The following HIKESHI variants were observed in gnomAD, a reference collection of about 807,000 sequenced individuals.
The protein encoded by HIKESHI is protein Hikeshi.
HIKESHI carries 13 observed loss-of-function variants against 25.7 expected under a neutral mutation model. The ratio of observed to expected loss-of-function variants is 0.51; its 90% confidence interval spans 0.33 to 0.80. HIKESHI has a LOEUF of 0.80. HIKESHI is among the 30% of genes least tolerant of loss of function. The pLI, the probability that HIKESHI is intolerant of heterozygous loss-of-function variation, is 0.02. For synonymous variants in HIKESHI, 76 were observed against 78.7 expected (o/e 0.97, Z 0.18); for missense variants, 174 against 229.5 (o/e 0.76, Z 1.56).
chr11:86,312,733 G>A (rs1047030951), intron 2 of HIKESHI, among the ~76,000 whole-genome samples: 1 of 152,172 alleles, frequency 6.6e-6, no homozygotes, highest in African/African-American at 2.4e-5. Flanking sequence ...TCCTTCAGGA[G>A]CTCTTATAAG....
rs143533213 is a variant in HIKESHI at position 86,314,166 on chromosome 11, C to G, written c.268+7684C>G. Among the ~76,000 whole-genome samples the G allele has an allele frequency of 2.3e-3, 354 of 152,250 alleles. 1 individual carries two copies. The highest frequency in any genetic ancestry group is 4.2e-3 in the Non-Finnish European group (283 of 68,022). ...GTATCCCTCCCCCAAAACAACTGCT[C>G]TTGTAGGTGTAGAGAAGCCAGTGAA... On this transcript the variant is annotated intron_variant, in intron 2 of 4. Transcript: ENST00000278483.
At chr11:86,338,816 A>C (rs2138414837) in intron 3 of HIKESHI, among the ~76,000 whole-genome samples, 1 of 152,358 alleles carries the variant, frequency 6.6e-6, no homozygotes, top group African/African-American at 2.4e-5. Context: ...TATCCTGTGT[A>C]GACAATATTT....
chr11:86,326,527 TC>T (rs1403827736), intron 2 of HIKESHI: 1 of 456,088 alleles, frequency 2.2e-6, no homozygotes, highest in Non-Finnish European at 4.4e-6. Context: ...TTATTGAACA[TC>T]TACTTGCTGC....
chr11:86,334,428 T>C (rs1947495019), intron 2 of HIKESHI, among the ~76,000 whole-genome samples: 1 of 152,044 alleles, frequency 6.6e-6, no homozygotes, highest in African/African-American at 2.4e-5. Flanking sequence ...TGAGAAAGAG[T>C]CTTAAAAAAA....
intron 2 of HIKESHI, among the ~76,000 whole-genome samples, chr11:86,334,925 G>A (rs897380211): frequency 2.6e-5 from 4 of 152,206 alleles, no homozygotes; most frequent in East Asian, 1.9e-4. Flanking sequence ...CAGGATATGA[G>A]CAACTGTGTC....
chr11:86,314,151 C>T (rs1372706231), intron 2 of HIKESHI, among the ~76,000 whole-genome samples: 1 of 152,122 alleles, frequency 6.6e-6, no homozygotes, highest in African/African-American at 2.4e-5. Flanking sequence ...GTATCCCTCC[C>T]CCAAAACAAC....
chr11:86,327,720 T>G (rs1269122452), intron 2 of HIKESHI, among the ~76,000 whole-genome samples: 1 of 152,228 alleles, frequency 6.6e-6, no homozygotes, highest in Non-Finnish European at 1.5e-5. Flanking sequence ...TTCAAACAGG[T>G]ATATGTTATA....
At position 86,317,115 on chromosome 11, in the gene HIKESHI, A is replaced by G. The variant is rs570289762; in HGVS notation, c.268+10633A>G. Among the ~76,000 whole-genome samples, 3 of 152,188 alleles carry G rather than the reference A, an allele frequency of 2.0e-5. No homozygotes were observed. The East Asian group carries it at 5.8e-4, about 29-fold the overall frequency. On this transcript the variant is annotated intron_variant, in intron 2 of 4. Coordinates refer to ENST00000278483, the MANE Select transcript of HIKESHI (RefSeq NM_016401.4). ...CTGTGAATCTGAAACATTCTAACAC[A>G]AGGAACCAAAAGAAAGCTTGCATAA...
intron 2 of HIKESHI, chr11:86,324,445 A>G (rs1565732846): frequency 6.6e-6 from 1 of 152,254 alleles, no homozygotes; most frequent in African/African-American, 2.4e-5. Context: ...ACAGAAAAAT[A>G]AAGCAACTTA....
rs1163357488 is a variant in HIKESHI at position 86,337,480 on chromosome 11, C to G, written c.370C>G (p.Gln124Glu). 6.2e-7 allele frequency: 1 copy of G among 1,614,028 alleles called. No individual in the cohort carries two copies. Among genetic ancestry groups the G allele is most frequent in the African/African-American group, 1.3e-5 (1 of 75,046 alleles). Residue 124 changes from glutamine to glutamate, a missense_variant, in exon 3 of 5, where the codon CAG (glutamine) becomes GAG (glutamate). Transcript: ENST00000278483. The part of the protein sequence containing the change: ...SVELLDSMAQ[Q>E]TPVGNAAVSS... The stretch of plus-strand genomic sequence containing the variant: ...GGAATTATTAGACAGTATGGCTCAG[C>G]AGACTCCTGTAGGTAATGCTGCTGT...
At chr11:86,343,590 G>T (rs1417041116) in intron 3 of HIKESHI, 1 of 152,244 alleles carries the variant, frequency 6.6e-6, no homozygotes, top group Non-Finnish European at 1.5e-5. Flanking sequence ...AGCCATGATT[G>T]TGCCACTGCA....
chr11:86,306,136 TAGAA>T (rs1946616811), intron 1 of HIKESHI, 105 bp from the exon 2 acceptor site: 3 of 721,492 alleles, frequency 4.2e-6, no homozygotes, highest in Non-Finnish European at 7.1e-6. Context: ...TTCTATTTGG[TAGAA>T]AGACTATAAT....
chr11:86,344,932 A>C (rs1051911008), intron 4 of HIKESHI: 21 of 534,374 alleles, frequency 3.9e-5, no homozygotes, highest in Non-Finnish European at 5.9e-5. Flanking sequence ...TGAATTTATA[A>C]AGACAGGAAA....
chr11:86,326,893 AT>A (rs912758899), intron 2 of HIKESHI, among the ~76,000 whole-genome samples: 4 of 151,926 alleles, frequency 2.6e-5, no homozygotes, highest in African/African-American at 9.7e-5. Context: ...TGGGGTTTAA[AT>A]TTTTTCTTGT....
chr11:86,343,071 G>A (rs1947777400), intron 3 of HIKESHI, among the ~76,000 whole-genome samples: 1 of 152,126 alleles, frequency 6.6e-6, no homozygotes, highest in Admixed American at 6.6e-5. Flanking sequence ...GACATGTTAT[G>A]TCTTTCCATT....
chr11:86,302,392 C>T lies in HIKESHI; in HGVS notation c.-57C>T, dbSNP rs1366288522. 3.9e-6 allele frequency: 6 copies of T among 1,549,576 alleles called. No homozygotes were observed. The East Asian group carries it at 9.8e-5, about 25-fold the overall frequency. The stretch of plus-strand genomic sequence containing the variant: ...TTAGTCTCGACTAGGGCAGTAGCCC[C>T]AGGACTCCTAGTCGCCGGCTTCAGG... On this transcript the variant is annotated 5_prime_UTR_variant, in exon 1 of 5. Transcript: ENST00000278483.
At chr11:86,339,535 A>C (rs1475341933) in intron 3 of HIKESHI, among the ~76,000 whole-genome samples, 1 of 152,210 alleles carries the variant, frequency 6.6e-6, no homozygotes, top group Non-Finnish European at 1.5e-5. Flanking sequence ...GGCATTATAG[A>C]TATAGCCCAC....
At chr11:86,304,662 T>G (rs1217340340) in intron 1 of HIKESHI, among the ~76,000 whole-genome samples, 1 of 152,074 alleles carries the variant, frequency 6.6e-6, no homozygotes, top group African/African-American at 2.4e-5. Context: ...ACTACAGGCA[T>G]GTGCCCCCAT....
chr11:86,321,556 G>T (rs146113743), intron 2 of HIKESHI, among the ~76,000 whole-genome samples: 2 of 151,096 alleles, frequency 1.3e-5, no homozygotes, highest in African/African-American at 4.9e-5. Flanking sequence ...TTGAGACCAC[G>T]TGTCACTCTG....
Sources: allele counts gnomAD v4.1 joint callset (sites outside exome capture counted in the v4.1 genomes callset), GRCh38; gene constraint gnomAD v4.1.1; transcripts MANE v1.5; gene names NCBI Gene and HGNC (gene_info 2026-07-23, HGNC 2026-07-21).